Variants in SAMMSON observed in about 807,000 individuals in gnomAD.
The protein encoded by SAMMSON is survival associated mitochondrial melanoma specific oncogenic non-coding RNA, also known as long intergenic non-protein coding RNA 1212.
At chr3:70,056,087 TAG>T (rs1368456970) in intron 3 of SAMMSON, among the ~76,000 whole-genome samples, 1 of 152,066 alleles carries the variant, frequency 6.6e-6, no homozygotes, top group African/African-American at 2.4e-5. Context: ...GCCCCATTTA[TAG>T]ATTAATCTTG....
chr3:70,197,219 C>T, intron 4 of SAMMSON: 1 of 398,376 alleles, frequency 2.5e-6, no homozygotes, highest in Non-Finnish European at 4.4e-6. Context: ...AATAGTGGCA[C>T]ATCTGGGGGC....
chr3:70,390,002 G>A (rs2106756657), downstream of SAMMSON: 1 of 152,174 alleles, frequency 6.6e-6, no homozygotes, highest in South Asian at 2.1e-4. Flanking sequence ...AATCACAAGA[G>A]CATTTTTTTT....
chr3:70,402,785 C>G (rs577921591), intron 2 of SAMMSON, among the ~76,000 whole-genome samples: 121 of 152,094 alleles, frequency 8.0e-4, no homozygotes, highest in Non-Finnish European at 1.6e-3. Context: ...TCACTCAAAC[C>G]CAGGAGGCGG....
At chr3:70,342,166 A>ATTGAGT (rs1308486591) in intron 7 of SAMMSON, among the ~76,000 whole-genome samples, 4 of 152,202 alleles carry the variant, frequency 2.6e-5, no homozygotes, top group Non-Finnish European at 5.9e-5. Flanking sequence ...CACTATTACC[A>ATTGAGT]TTGAGTGTTT....
intron 7 of SAMMSON, among the ~76,000 whole-genome samples, chr3:70,336,780 CT>C (rs1337686994): frequency 7.0e-6 from 1 of 143,680 alleles, no homozygotes; most frequent in African/African-American, 2.6e-5. Flanking sequence ...ATCATCTTTC[CT>C]TTTTGTTAGA....
At chr3:70,318,483 T>A (rs372518448) in intron 7 of SAMMSON, among the ~76,000 whole-genome samples, 1 of 124,012 alleles carries the variant, frequency 8.1e-6, no homozygotes, top group African/African-American at 2.9e-5. Context: ...TGTGTGTGAG[T>A]GTGTGTGTGT....
chr3:70,254,993 C>T (rs1015626303), intron 6 of SAMMSON, among the ~76,000 whole-genome samples: 4 of 152,062 alleles, frequency 2.6e-5, no homozygotes, highest in Non-Finnish European at 4.4e-5. Context: ...GACTGATGGA[C>T]ATTTAGATTG....
At chr3:70,284,639 A>C (rs9861113) in intron 6 of SAMMSON, among the ~76,000 whole-genome samples, 3 of 152,062 alleles carry the variant, frequency 2.0e-5, no homozygotes, top group African/African-American at 7.2e-5. Flanking sequence ...AGAAATTAAC[A>C]CAGGAACAGA....
intron 4 of SAMMSON, among the ~76,000 whole-genome samples, chr3:70,156,714 T>G (rs574421188): frequency 1.3e-5 from 2 of 152,246 alleles, no homozygotes; most frequent in South Asian, 2.1e-4. Context: ...TTTTGATGTC[T>G]AAACTTCTGG....
At chr3:70,014,696 A>T (rs1201194413) in intron 3 of SAMMSON, 1 of 152,214 alleles carries the variant, frequency 6.6e-6, no homozygotes, top group Non-Finnish European at 1.5e-5. Flanking sequence ...TCTTTCCTCC[A>T]ACTCTCAAAG....
chr3:70,020,722 A>G (rs569334125), intron 3 of SAMMSON, among the ~76,000 whole-genome samples: 1 of 152,244 alleles, frequency 6.6e-6, no homozygotes, highest in East Asian at 1.9e-4. Flanking sequence ...ATTAATAATA[A>G]TAATGATAAT....
intron 4 of SAMMSON, among the ~76,000 whole-genome samples, chr3:70,213,528 G>A (rs1440589372): frequency 6.6e-6 from 1 of 151,998 alleles, no homozygotes; most frequent in Non-Finnish European, 1.5e-5. Flanking sequence ...AGTTATCCGT[G>A]GCTGAAATCA....
intron 4 of SAMMSON, among the ~76,000 whole-genome samples, chr3:70,233,290 G>A (rs925586665): frequency 6.6e-5 from 10 of 152,154 alleles, no homozygotes; most frequent in African/African-American, 2.4e-4. Flanking sequence ...GGTGGCCCTG[G>A]TGATGTTTGA....
chr3:70,018,139 G>A (rs1246622349), intron 3 of SAMMSON, among the ~76,000 whole-genome samples: 1 of 152,068 alleles, frequency 6.6e-6, no homozygotes, highest in Admixed American at 6.5e-5. Context: ...CTATCAATTG[G>A]AATAGTTTCA....
chr3:70,301,424 T>C (rs1487284218), intron 7 of SAMMSON, among the ~76,000 whole-genome samples: 1 of 152,104 alleles, frequency 6.6e-6, no homozygotes, highest in Non-Finnish European at 1.5e-5. Context: ...CTGAATCCTA[T>C]GGTAAACAGG....
chr3:70,313,975 C>A (rs1300853018), intron 7 of SAMMSON, among the ~76,000 whole-genome samples: 10 of 152,118 alleles, frequency 6.6e-5, no homozygotes, highest in Non-Finnish European at 1.0e-4. Flanking sequence ...GTGGCTGTTC[C>A]TTGGAGGGAC....
At chr3:70,001,706 T>C (rs1260247399) in intron 1 of SAMMSON, among the ~76,000 whole-genome samples, 1 of 152,108 alleles carries the variant, frequency 6.6e-6, no homozygotes, top group East Asian at 1.9e-4. Context: ...GTAAATCAGG[T>C]CCCCTGTCCT....
At chr3:70,201,220 C>G (rs909274290) in intron 4 of SAMMSON, among the ~76,000 whole-genome samples, 5 of 151,978 alleles carry the variant, frequency 3.3e-5, no homozygotes, top group African/African-American at 1.2e-4. Context: ...CCAATAAGCC[C>G]CATTGTGTGT....
chr3:70,424,252 A>C (rs1701336369), intron 2 of SAMMSON, among the ~76,000 whole-genome samples: 1 of 152,168 alleles, frequency 6.6e-6, no homozygotes, highest in Non-Finnish European at 1.5e-5. Context: ...CACTTACATA[A>C]AAGCTATGTG....
Sources: gnomAD v4.1 joint callset for allele counts (sites outside exome capture counted in the v4.1 genomes callset) on GRCh38, gnomAD v4.1.1 for gene constraint, MANE v1.5 for transcripts, NCBI Gene and HGNC (gene_info 2026-07-23, HGNC 2026-07-21) for gene names.